The following LRRTM4 variants were observed in gnomAD, a reference collection of about 807,000 sequenced individuals.
The protein encoded by LRRTM4 is leucine rich repeat transmembrane neuronal 4.
Under a neutral mutation model 47.6 loss-of-function variants are expected in LRRTM4, and 25 were observed. That is an observed-to-expected ratio of 0.53 (90% confidence interval 0.38 to 0.73). The LOEUF is 0.73. LRRTM4 is among the 30% of genes least tolerant of loss of function. LRRTM4 has a pLI of 0.00. For missense variants in LRRTM4, 638 were observed against 713.4 expected (o/e 0.89, Z 1.20); for synonymous variants, 311 against 269.5 (o/e 1.15, Z -1.51).
intron 3 of LRRTM4, among the ~76,000 whole-genome samples, chr2:76,778,868 G>A (rs1360340137): frequency 6.6e-6 from 1 of 151,650 alleles, no homozygotes; most frequent in Non-Finnish European, 1.5e-5. Flanking sequence ...GTCAATTTTG[G>A]ATCTTTCCTG....
intron 3 of LRRTM4, among the ~76,000 whole-genome samples, chr2:77,315,704 C>A (rs1677598930): frequency 6.6e-6 from 1 of 152,042 alleles, no homozygotes; most frequent in Non-Finnish European, 1.5e-5. Flanking sequence ...TCTCTCTCTG[C>A]CCTTTTGAGA....
chr2:77,170,148 C>T lies in LRRTM4; in HGVS notation c.1551+348170G>A, dbSNP rs144298283. Among the ~76,000 whole-genome samples the T allele has an allele frequency of 5.3e-5, 8 of 152,050 alleles. 1 individual carries two copies. Among genetic ancestry groups the T allele is most frequent in the South Asian group, 4.1e-4 (2 of 4,828 alleles). ...GTGATTAGGGTTAGGGTGTTAGAGACGAGATATGATCCTATATTATATAGG... is the reference window on the plus strand; with the variant it reads ...GTGATTAGGGTTAGGGTGTTAGAGATGAGATATGATCCTATATTATATAGG... On this transcript the variant is annotated intron_variant, in intron 3 of 3. Transcript: ENST00000409884.
intron 3 of LRRTM4, among the ~76,000 whole-genome samples, chr2:77,483,959 T>C (rs928111070): frequency 1.3e-5 from 2 of 152,238 alleles, no homozygotes; most frequent in African/African-American, 4.8e-5. Context: ...CATCTCAAGG[T>C]AATGTTTTAT....
chr2:77,380,491 G>A (rs1268476114), intron 3 of LRRTM4, among the ~76,000 whole-genome samples: 2 of 152,052 alleles, frequency 1.3e-5, no homozygotes, highest in South Asian at 2.1e-4. Context: ...TAAACTTGCA[G>A]TAGCATGTTT....
intron 3 of LRRTM4, among the ~76,000 whole-genome samples, chr2:77,274,349 C>G (rs1676283884): frequency 6.6e-6 from 1 of 152,120 alleles, no homozygotes; most frequent in Non-Finnish European, 1.5e-5. Flanking sequence ...ATCTATATCT[C>G]AAATTGCAGA....
chr2:76,998,491 C>T (rs776285323), intron 3 of LRRTM4, among the ~76,000 whole-genome samples: 1 of 151,938 alleles, frequency 6.6e-6, no homozygotes, highest in Non-Finnish European at 1.5e-5. Flanking sequence ...CACACACCAC[C>T]CCTCCCCAAC....
chr2:77,008,463 G>C (rs1677741731), intron 3 of LRRTM4, among the ~76,000 whole-genome samples: 1 of 152,152 alleles, frequency 6.6e-6, no homozygotes, highest in Non-Finnish European at 1.5e-5. Flanking sequence ...CATAACTGTA[G>C]ATAGTCTGAT....
At chr2:77,319,967 T>A (rs1677738742) in intron 3 of LRRTM4, among the ~76,000 whole-genome samples, 1 of 152,218 alleles carries the variant, frequency 6.6e-6, no homozygotes, top group African/African-American at 2.4e-5. Flanking sequence ...AACTACTTTT[T>A]TATTAACTTT....
chr2:77,333,857 C>T (rs369058078), intron 3 of LRRTM4, among the ~76,000 whole-genome samples: 40 of 152,236 alleles, frequency 2.6e-4, no homozygotes, highest in South Asian at 1.0e-3. Context: ...GGAAAAGCTG[C>T]GGACACTCAG....
chr2:77,406,799 C>A (rs1439217716), intron 3 of LRRTM4, among the ~76,000 whole-genome samples: 2 of 152,088 alleles, frequency 1.3e-5, no homozygotes, highest in African/African-American at 2.4e-5. Context: ...GAAAACATTT[C>A]TTTTCCTGCT....
intron 3 of LRRTM4, among the ~76,000 whole-genome samples, chr2:76,963,769 A>T (rs1043128294): frequency 6.6e-6 from 1 of 151,008 alleles, no homozygotes; most frequent in Non-Finnish European, 1.5e-5. Context: ...AGTGAAAAAT[A>T]TAAACAATGT....
At chr2:77,498,788 C>T (rs1040059802) in intron 3 of LRRTM4, among the ~76,000 whole-genome samples, 3 of 151,804 alleles carry the variant, frequency 2.0e-5, no homozygotes, top group Non-Finnish European at 4.4e-5. Flanking sequence ...ATTGTTTTGT[C>T]TGCTAACCTG....
intron 3 of LRRTM4, among the ~76,000 whole-genome samples, chr2:77,094,872 C>T (rs868313116): frequency 5.6e-4 from 85 of 152,192 alleles, no homozygotes; most frequent in African/African-American, 2.0e-3. Context: ...TTGGTCTGGA[C>T]AACAATTATT....
At chr2:76,764,858 C>T (rs900956825) in intron 3 of LRRTM4, among the ~76,000 whole-genome samples, 2 of 152,162 alleles carry the variant, frequency 1.3e-5, no homozygotes, top group African/African-American at 4.8e-5. Context: ...ATCTGGGCTG[C>T]CCCTCCCACC....
intron 3 of LRRTM4, among the ~76,000 whole-genome samples, chr2:76,762,460 A>G (rs1373661875): frequency 6.6e-6 from 1 of 152,146 alleles, no homozygotes; most frequent in African/African-American, 2.4e-5. Flanking sequence ...TGATTTCATT[A>G]CTAACTACCC....
intron 3 of LRRTM4, among the ~76,000 whole-genome samples, chr2:77,503,521 G>T (rs767020517): frequency 6.6e-5 from 10 of 151,690 alleles, no homozygotes; most frequent in Non-Finnish European, 1.3e-4. Context: ...ATTTATACAT[G>T]TGGGGAACTC....
At chr2:77,327,001 G>A (rs1407848101) in intron 3 of LRRTM4, among the ~76,000 whole-genome samples, 3 of 152,120 alleles carry the variant, frequency 2.0e-5, no homozygotes, top group Admixed American at 1.3e-4. Context: ...TTCTGCTGCA[G>A]GAAAGGTTGT....
At chr2:76,982,394 C>G (rs1490537206) in intron 3 of LRRTM4, among the ~76,000 whole-genome samples, 1 of 152,050 alleles carries the variant, frequency 6.6e-6, no homozygotes, top group African/African-American at 2.4e-5. Context: ...TTTGGGCAAT[C>G]AGGCTCTTTC....
intron 3 of LRRTM4, among the ~76,000 whole-genome samples, chr2:77,070,910 G>A (rs1427196072): frequency 6.6e-6 from 1 of 152,114 alleles, no homozygotes; most frequent in Admixed American, 6.6e-5. Flanking sequence ...GAGCCACTGT[G>A]CCTGGCCAAA....
Sources: gnomAD v4.1 joint callset for allele counts (sites outside exome capture counted in the v4.1 genomes callset) on GRCh38, gnomAD v4.1.1 for gene constraint, MANE v1.5 for transcripts, NCBI Gene and HGNC (gene_info 2026-07-23, HGNC 2026-07-21) for gene names.